The following MACROD2 variants were observed in gnomAD, a reference collection of about 807,000 sequenced individuals.
The protein encoded by MACROD2 is ADP-ribose glycohydrolase MACROD2.
MACROD2 carries 36 observed loss-of-function variants against 70.4 expected under a neutral mutation model. The ratio of observed to expected loss-of-function variants is 0.51; its 90% CI spans 0.39 to 0.68. The LOEUF is 0.68. Among genes scored for constraint, MACROD2 ranks in the 30% least tolerant of loss-of-function variants. The pLI is 0.00. For missense variants in MACROD2, 496 were observed against 538.4 expected (o/e 0.92, Z 0.78); for synonymous variants, 172 against 178.8 (o/e 0.96, Z 0.30).
chr20:15,121,108 T>G (rs1319399532), intron 5 of MACROD2, among the ~76,000 whole-genome samples: 1 of 152,192 alleles, frequency 6.6e-6, no homozygotes, highest in East Asian at 1.9e-4. Flanking sequence ...ATGAAGAAAA[T>G]AAAAGATATT....
At chr20:15,086,771 G>C (rs927519992) in intron 5 of MACROD2, among the ~76,000 whole-genome samples, 2 of 152,010 alleles carry the variant, frequency 1.3e-5, no homozygotes, top group Non-Finnish European at 2.9e-5. Flanking sequence ...CGTTGTACAG[G>C]CCACTTAACA....
chr20:14,646,920 A>G lies in MACROD2; in HGVS notation c.302-37923A>G, dbSNP rs78871673. Among the ~76,000 whole-genome samples the G allele has an allele frequency of 8.7e-3, 1,319 of 152,152 alleles. 7 individuals are homozygous for G. Among genetic ancestry groups the G allele is most frequent in the Non-Finnish European group, 0.014 (938 of 67,982 alleles). ...TTTCTTCATCTGCTTCATGCATATA[A>G]ATATGTGCGGGTGTCTGGGGTTTTG... On this transcript the variant is annotated intron_variant, in intron 4 of 17. Transcript: ENST00000684519.
chr20:14,759,407 A>G (rs566540605), intron 5 of MACROD2, among the ~76,000 whole-genome samples: 1 of 152,248 alleles, frequency 6.6e-6, no homozygotes, highest in South Asian at 2.1e-4. Flanking sequence ...ATTCCATGCC[A>G]TCATTTGCAT....
At chr20:14,775,505 A>C (rs1318922719) in intron 5 of MACROD2, among the ~76,000 whole-genome samples, 1 of 151,880 alleles carries the variant, frequency 6.6e-6, no homozygotes, top group African/African-American at 2.4e-5. Context: ...TTTAACAACC[A>C]ATTCCCACGT....
chr20:15,814,998 A>G (rs2063858337), intron 8 of MACROD2, among the ~76,000 whole-genome samples: 1 of 152,196 alleles, frequency 6.6e-6, no homozygotes, highest in Non-Finnish European at 1.5e-5. Context: ...TCTGGTTGAA[A>G]TCCACCTGCT....
intron 5 of MACROD2, among the ~76,000 whole-genome samples, chr20:14,901,433 A>G (rs2073893648): frequency 6.6e-6 from 1 of 152,116 alleles, no homozygotes. Flanking sequence ...AAAAAATAAT[A>G]TTGTAAAGCA....
At chr20:14,318,439 A>G (rs2122539858) in intron 3 of MACROD2, among the ~76,000 whole-genome samples, 1 of 152,272 alleles carries the variant, frequency 6.6e-6, no homozygotes, top group Non-Finnish European at 1.5e-5. Context: ...AAAATGAGAT[A>G]GGGGTAGGGA....
At chr20:14,046,772 C>A (rs959891283) in intron 2 of MACROD2, among the ~76,000 whole-genome samples, 4 of 148,410 alleles carry the variant, frequency 2.7e-5, no homozygotes, top group Non-Finnish European at 4.5e-5. Context: ...TGTTTGTGAT[C>A]CTGGCTCACT....
rs112868668 is a variant in MACROD2 at position 15,049,333 on chromosome 20, A to T, written c.419-180607A>T. The stretch of plus-strand genomic sequence containing the variant: ...AGAAGAGGGAGGGAGAGGAAGAGAA[A>T]AAAGAGGAGAGAGACTTGTTGCCAC... On this transcript the variant is annotated intron_variant, in intron 5 of 17. Transcript: ENST00000684519. Among the ~76,000 whole-genome samples, 972 of 152,172 alleles carry T rather than the reference A, an allele frequency of 6.4e-3. 8 individuals carry two copies. The highest frequency in any genetic ancestry group is 0.022 in the African/African-American group (912 of 41,524).
chr20:15,494,670 A>G (rs1360009914), intron 7 of MACROD2, among the ~76,000 whole-genome samples: 1 of 151,910 alleles, frequency 6.6e-6, no homozygotes, highest in African/African-American at 2.4e-5. Context: ...AGGGCTGGGC[A>G]TTGACTCAGG....
intron 8 of MACROD2, among the ~76,000 whole-genome samples, chr20:15,576,127 A>T (rs2048444170): frequency 6.6e-6 from 1 of 152,074 alleles, no homozygotes; most frequent in African/African-American, 2.4e-5. Flanking sequence ...GTATGCACTA[A>T]AATTCACTTC....
At chr20:14,653,631 C>T (rs1985808711) in intron 4 of MACROD2, among the ~76,000 whole-genome samples, 1 of 152,052 alleles carries the variant, frequency 6.6e-6, no homozygotes, top group East Asian at 1.9e-4. Context: ...GCTGGGATTA[C>T]AGGCATGAGC....
At chr20:15,978,329 G>T (rs976543339) in intron 13 of MACROD2, among the ~76,000 whole-genome samples, 2 of 152,140 alleles carry the variant, frequency 1.3e-5, no homozygotes, top group East Asian at 1.9e-4. Context: ...CAGCAAGGTC[G>T]CCAGACTTGC....
rs929497194 is a variant in MACROD2, at chr20:14,815,088, G to A, written c.418+130129G>A. On this transcript the variant is annotated intron_variant, in intron 5 of 17. Coordinates refer to ENST00000684519, the MANE Select transcript of MACROD2 (RefSeq NM_001351661.2). ...CATTGCAGAACACTGGGGCCTCAAG[G>A]TGAGAGAGGAAGCTTTATGACTCCT... Among the ~76,000 whole-genome samples, 6 of 151,974 alleles carry A rather than the reference G, an allele frequency of 3.9e-5. No homozygotes were observed. In the South Asian group the frequency reaches 1.2e-3, roughly 32 times the overall value.
intron 15 of MACROD2, among the ~76,000 whole-genome samples, chr20:16,011,675 A>G (rs1208405899): frequency 1.3e-5 from 2 of 152,226 alleles, no homozygotes; most frequent in African/African-American, 4.8e-5. Context: ...TGTGCAGTGT[A>G]GGGAAGTTTT....
At position 16,050,496 on chromosome 20, in the gene MACROD2, C is replaced by T. The variant is rs1178422129; in HGVS notation, c.*620C>T. 3.3e-5 allele frequency: 5 copies of T among 152,318 alleles called. No individual in the cohort carries two copies. In the East Asian group the frequency reaches 9.6e-4, roughly 29 times the overall value. 9.4% of individuals were successfully genotyped at this position (152,318 alleles called of 1,614,324 possible). On this transcript the variant is annotated 3_prime_UTR_variant, in exon 18 of 18. Transcript: ENST00000684519. ...TATGGAAGCTGAATTTTTTCCAGAGCAGAGTGCAGAGGCATAACAGAAGGG... is the reference window on the plus strand; with the variant it reads ...TATGGAAGCTGAATTTTTTCCAGAGTAGAGTGCAGAGGCATAACAGAAGGG...
intron 8 of MACROD2, among the ~76,000 whole-genome samples, chr20:15,674,725 TTGTGTG>T (rs575270044): frequency 6.8e-6 from 1 of 147,198 alleles, no homozygotes. Context: ...AAAAGTGTGT[TTGTGTG>T]TGTGTGTCTA....
chr20:15,286,240 T>A (rs1009202770), intron 6 of MACROD2, among the ~76,000 whole-genome samples: 2 of 152,042 alleles, frequency 1.3e-5, no homozygotes, highest in Non-Finnish European at 2.9e-5. Context: ...ATAAAATCAG[T>A]GAGTAATGTG....
At chr20:15,307,459 A>G (rs2077709186) in intron 6 of MACROD2, among the ~76,000 whole-genome samples, 9 of 152,108 alleles carry the variant, frequency 5.9e-5, no homozygotes, top group Admixed American at 5.9e-4. Flanking sequence ...ACATTGTTCC[A>G]TGTTTGTTAT....
Sources: gnomAD v4.1 joint callset for allele counts (sites outside exome capture counted in the v4.1 genomes callset) on GRCh38, gnomAD v4.1.1 for gene constraint, MANE v1.5 for transcripts, NCBI Gene and HGNC (gene_info 2026-07-23, HGNC 2026-07-21) for gene names.